Variants in DCSTAMP observed in about 807,000 individuals in gnomAD.
The protein encoded by DCSTAMP is dendrocyte expressed seven transmembrane protein.
A neutral mutation model predicts 33.8 loss-of-function variants in DCSTAMP; 25 were observed. The ratio of observed to expected loss-of-function variants is 0.74; its 90% CI spans 0.54 to 1.03. The LOEUF (loss-of-function observed/expected upper bound fraction) is 1.03, where lower values mean the gene tolerates loss of function less well. Among genes scored for constraint, DCSTAMP ranks in the 50% least tolerant of loss-of-function variants. The pLI is 0.00. For missense variants in DCSTAMP, 531 were observed against 556.8 expected, an observed-to-expected ratio of 0.95 and a Z score of 0.47; for synonymous variants, 245 against 216.7, an observed-to-expected ratio of 1.13 and a Z score of -1.15.
chr8:104,348,840 T>A lies in DCSTAMP; in HGVS notation c.288T>A (p.Asn96Lys). ...CTTGTGGCCTGCGTGAAGGCAGGAA[T>A]GCTTTGATTGCAGCTGGCACAGGGA... ...FLSCGLREGR[N>K]ALIAAGTGIV... Residue 96 changes from asparagine to lysine, a missense_variant, in exon 2 of 4, where the codon AAT becomes AAA. Physicochemically the swap from Asn to Lys is moderately conservative, Grantham distance 94 (BLOSUM62 0). Transcript: ENST00000297581. The A allele has an allele frequency of 6.2e-7, 1 of 1,614,238 alleles. No homozygotes were observed. Among genetic ancestry groups the A allele is most frequent in the South Asian group, 1.1e-5 (1 of 91,084 alleles).
At chr8:104,355,524 C>T (rs1810599771) in intron 3 of DCSTAMP, among the ~76,000 whole-genome samples, 1 of 152,124 alleles carries the variant, frequency 6.6e-6, no homozygotes, top group Non-Finnish European at 1.5e-5. Context: ...AAAGAAAAAA[C>T]AGACAGGGAA....
chr8:104,350,774 C>T (rs1810439128), intron 2 of DCSTAMP, among the ~76,000 whole-genome samples: 3 of 152,198 alleles, frequency 2.0e-5, no homozygotes, highest in Admixed American at 1.3e-4. Flanking sequence ...GACCCGCTAA[C>T]CCAGAGGTCC....
rs3088027 is a variant in DCSTAMP, at chr8:104,348,867, C to A, written c.315C>A (p.Ile105=). 1.9e-6 allele frequency: 3 copies of A among 1,614,082 alleles called. No individual in the cohort carries two copies. Among genetic ancestry groups the A allele is most frequent in the Admixed American group, 3.3e-5 (2 of 60,010 alleles). Residue 105 remains isoleucine (I), a synonymous_variant, in exon 2 of 4, where the codon ATC becomes ATA. Transcript: ENST00000297581. ...RNALIAAGTG[I]VILGHVENIF... is the part of the protein sequence containing the mutation. Reference sequence around the variant, plus strand: ...CTTTGATTGCAGCTGGCACAGGGATCGTCATCTTGGGACACGTAGAAAATA... The same window carrying A: ...CTTTGATTGCAGCTGGCACAGGGATAGTCATCTTGGGACACGTAGAAAATA...
At chr8:104,355,410 T>C (rs1265494213) in intron 3 of DCSTAMP, among the ~76,000 whole-genome samples, 1 of 152,330 alleles carries the variant, frequency 6.6e-6, no homozygotes, top group Admixed American at 6.5e-5. Context: ...TCTTAAAATA[T>C]TGGTTTCAAG....
At chr8:104,348,010 G>T (rs1810358821) in intron 1 of DCSTAMP, among the ~76,000 whole-genome samples, 1 of 152,116 alleles carries the variant, frequency 6.6e-6, no homozygotes, top group Admixed American at 6.5e-5. Flanking sequence ...TGAGATGGTG[G>T]AAAAAGGGTC....
At chr8:104,346,204 C>T (rs1035820682) in intron 1 of DCSTAMP, among the ~76,000 whole-genome samples, 1 of 152,212 alleles carries the variant, frequency 6.6e-6, no homozygotes, top group Non-Finnish European at 1.5e-5. Context: ...AAAGTGCTTA[C>T]AATGTAATAG....
intron 1 of DCSTAMP, among the ~76,000 whole-genome samples, chr8:104,347,540 A>G (rs755580340): frequency 1.3e-5 from 2 of 152,274 alleles, no homozygotes; most frequent in Non-Finnish European, 2.9e-5. Flanking sequence ...CTTTATCAAT[A>G]AACAAAGACT....
intron 1 of DCSTAMP, among the ~76,000 whole-genome samples, chr8:104,344,395 G>C (rs116093068): frequency 6.6e-6 from 1 of 151,842 alleles, no homozygotes; most frequent in Non-Finnish European, 1.5e-5. Flanking sequence ...TTTCTCAGTC[G>C]CATGAGCCCT....
At chr8:104,341,201 T>C (rs1266972142) in intron 1 of DCSTAMP, among the ~76,000 whole-genome samples, 1 of 152,204 alleles carries the variant, frequency 6.6e-6, no homozygotes, top group Non-Finnish European at 1.5e-5. Flanking sequence ...GACACATGGG[T>C]GATGTGCAGC....
chr8:104,356,199 G>T lies in DCSTAMP; in HGVS notation c.*1G>T. The stretch of plus-strand genomic sequence containing the variant: ...CATGGCAAGTGCAGACAAGTCATGA[G>T]AGACCCCGACTACTCCTCAGCCACA... On this transcript the variant is annotated 3_prime_UTR_variant, in exon 4 of 4. Coordinates refer to ENST00000297581, the MANE Select transcript of DCSTAMP (RefSeq NM_030788.4). The T allele has an allele frequency of 3.1e-6, 5 of 1,611,354 alleles. No homozygotes were observed. The highest frequency in any genetic ancestry group is 4.2e-6 in the Non-Finnish European group (5 of 1,178,798).
At chr8:104,344,899 C>T (rs1438657828) in intron 1 of DCSTAMP, among the ~76,000 whole-genome samples, 2 of 152,106 alleles carry the variant, frequency 1.3e-5, no homozygotes, top group African/African-American at 4.8e-5. Flanking sequence ...GTGGCGTCAC[C>T]GTGCCTGGAG....
chr8:104,355,235 GGA>G, intron 3 of DCSTAMP, 50 bp downstream of exon 3: 1 of 1,551,678 alleles, frequency 6.4e-7, no homozygotes, highest in Non-Finnish European at 8.7e-7. Flanking sequence ...TGTTGAGTTT[GGA>G]GGGAAATGGG....
At chr8:104,349,668 A>C in intron 2 of DCSTAMP, 87 bp downstream of exon 2, 1 of 1,455,444 alleles carries the variant, frequency 6.9e-7, no homozygotes, top group African/African-American at 1.4e-5. Flanking sequence ...GAGGCAGGGC[A>C]GTGGCTCATT....
At chr8:104,348,192 C>T (rs895352864) in intron 1 of DCSTAMP, among the ~76,000 whole-genome samples, 2 of 152,230 alleles carry the variant, frequency 1.3e-5, no homozygotes, top group Non-Finnish European at 2.9e-5. Flanking sequence ...GTTATTTGTA[C>T]AGCAGCGATA....
chr8:104,349,502 T>C lies in DCSTAMP; in HGVS notation c.950T>C (p.Leu317Pro). Reference protein sequence around the residue: ...WVLFAAVDYLLYRLIFSVSKQ... With the variant: ...WVLFAAVDYLPYRLIFSVSKQ... ...CTGTTTGCAGCTGTAGATTATCTGC[T>C]GTATCGGCTCATTTTCTCAGTGAGC... Residue 317 changes from leucine to proline, a missense_variant, in exon 2 of 4, where the codon CTG becomes CCG. Transcript: ENST00000297581. The C allele has an allele frequency of 1.2e-6, 2 of 1,614,198 alleles. No homozygotes were observed. Among genetic ancestry groups the C allele is most frequent in the Non-Finnish European group, 1.7e-6 (2 of 1,180,040 alleles).
chr8:104,356,314 C>G lies in DCSTAMP; in HGVS notation c.*116C>G. ...TATGTGACGCAGTCCTCTCAGGAGT[C>G]TGAGTTTACAGAGCCAACTTGCAGC... On this transcript the variant is annotated 3_prime_UTR_variant, in exon 4 of 4. Transcript: ENST00000297581. 9.6e-7 allele frequency: 1 copy of G among 1,039,242 alleles called. No homozygotes were observed. 64.4% of individuals were successfully genotyped at this position (1,039,242 alleles called of 1,614,324 possible).
intron 3 of DCSTAMP, among the ~76,000 whole-genome samples, chr8:104,355,399 A>G (rs79003824): frequency 6.6e-6 from 1 of 152,206 alleles, no homozygotes; most frequent in Non-Finnish European, 1.5e-5. Context: ...ACTACAAGAT[A>G]TCTTAAAATA....
intron 2 of DCSTAMP, among the ~76,000 whole-genome samples, chr8:104,351,694 A>T (rs1810468396): frequency 6.6e-6 from 1 of 152,198 alleles, no homozygotes; most frequent in African/African-American, 2.4e-5. Context: ...GGTTATTGCC[A>T]TGGCCTCATT....
Position 104,356,256 on chromosome 8 carries a change from G to T in DCSTAMP, c.*58G>T. On this transcript the variant is annotated 3_prime_UTR_variant, in exon 4 of 4. Transcript: ENST00000297581. ...CAACAATTCTCTTCAGGTCTAGGAT[G>T]GCAGTCACTATTCATGCCGGATAAT... 1 of 1,531,240 alleles carries T rather than the reference G, an allele frequency of 6.5e-7. No individual in the cohort carries two copies. Among genetic ancestry groups the T allele is most frequent in the Non-Finnish European group, 8.9e-7 (1 of 1,123,022 alleles). 94.9% of individuals were successfully genotyped at this position (1,531,240 alleles called of 1,614,324 possible). A position where few individuals can be genotyped will look rare whatever the true frequency, so the allele number is the denominator to read the frequency against.
Sources: allele counts gnomAD v4.1 joint callset (sites outside exome capture counted in the v4.1 genomes callset), GRCh38; gene constraint gnomAD v4.1.1; transcripts MANE v1.5; gene names NCBI Gene and HGNC (gene_info 2026-07-23, HGNC 2026-07-21).